PTPRD: variants seen among roughly 807,000 people sequenced by gnomAD.
PTPRD encodes receptor-type tyrosine-protein phosphatase delta.
In PTPRD, 34 loss-of-function variants were observed where a neutral mutation model predicts 214.5. The observed-to-expected ratio is 0.16, with a 90% CI of 0.12 to 0.21. The LOEUF (loss-of-function observed/expected upper bound fraction) is 0.21, where lower values mean the gene tolerates loss of function less well. PTPRD is among the 10% of genes least tolerant of loss of function. The probability of loss-of-function intolerance (pLI) is 1.00; values close to 1 mark genes in which losing one functional copy is unlikely to be tolerated. For missense variants in PTPRD, 2,545 were observed against 2,398.7 expected, an observed-to-expected ratio of 1.06 and a Z score of -1.27; for synonymous variants, 1,128 against 845.7, an observed-to-expected ratio of 1.33 and a Z score of -5.79.
In PTPRD at chr9:9,407,450, G is replaced by T. The variant is rs888684015; in HGVS notation, c.-236-9968C>A. Among the ~76,000 whole-genome samples, 4 of 151,722 alleles carry T rather than the reference G, an allele frequency of 2.6e-5. No individual in the cohort carries two copies. In the South Asian group the frequency reaches 6.2e-4, roughly 24 times the overall value. On this transcript the variant is annotated intron_variant, in intron 8 of 45. Coordinates refer to ENST00000381196, the MANE Select transcript of PTPRD (RefSeq NM_002839.4). Reference sequence around the variant, plus strand: ...TAAAAGTTTGTTGAAAATATAAACAGATAGGGTATCTACATTGAGTATACC... The same window carrying T: ...TAAAAGTTTGTTGAAAATATAAACATATAGGGTATCTACATTGAGTATACC...
At chr9:9,143,575 T>C (rs1475861047) in intron 10 of PTPRD, among the ~76,000 whole-genome samples, 2 of 152,190 alleles carry the variant, frequency 1.3e-5, no homozygotes, top group African/African-American at 4.8e-5. Context: ...AGACCGAATG[T>C]TTTCTAATGG....
At chr9:9,288,870 G>A (rs991899381) in intron 9 of PTPRD, among the ~76,000 whole-genome samples, 1 of 151,730 alleles carries the variant, frequency 6.6e-6, no homozygotes, top group African/African-American at 2.4e-5. Flanking sequence ...GGTTTTATAA[G>A]GGACTTTTCC....
chr9:9,603,495 C>T (rs945073485), intron 7 of PTPRD, among the ~76,000 whole-genome samples: 1 of 152,116 alleles, frequency 6.6e-6, no homozygotes, highest in Non-Finnish European at 1.5e-5. Context: ...CAGTCCTTGG[C>T]CTGTCAGGAA....
intron 4 of PTPRD, among the ~76,000 whole-genome samples, chr9:9,940,486 G>A (rs1337250693): frequency 6.6e-6 from 1 of 152,146 alleles, no homozygotes; most frequent in Non-Finnish European, 1.5e-5. Context: ...AATGGGGTTT[G>A]AAATTAGATT....
intron 10 of PTPRD, among the ~76,000 whole-genome samples, chr9:9,042,404 G>A (rs1181846698): frequency 6.6e-6 from 1 of 152,124 alleles, no homozygotes; most frequent in East Asian, 1.9e-4. Context: ...CAGGAGGCAG[G>A]AGAACAGTTA....
intron 7 of PTPRD, among the ~76,000 whole-genome samples, chr9:9,589,181 T>C (rs1272927130): frequency 1.3e-5 from 2 of 151,908 alleles, no homozygotes; most frequent in Non-Finnish European, 2.9e-5. Context: ...AATACAACAG[T>C]AGTTTATTTG....
At chr9:10,064,184 A>C (rs1177638385) in intron 3 of PTPRD, among the ~76,000 whole-genome samples, 1 of 151,864 alleles carries the variant, frequency 6.6e-6, no homozygotes, top group Non-Finnish European at 1.5e-5. Context: ...TTCTCTTAAA[A>C]ATTCTGTATA....
At chr9:9,376,068 T>TAA (rs201118606) in intron 9 of PTPRD, among the ~76,000 whole-genome samples, 3 of 116,434 alleles carry the variant, frequency 2.6e-5, no homozygotes, top group Admixed American at 1.8e-4. Flanking sequence ...AATGAGAACT[T>TAA]GCTCATCATT....
intron 2 of PTPRD, among the ~76,000 whole-genome samples, chr9:10,581,252 T>A (rs544516685): frequency 1.3e-5 from 2 of 152,144 alleles, no homozygotes; most frequent in African/African-American, 2.4e-5. Context: ...TGAAAAACAG[T>A]ATTAAGTCTC....
intron 8 of PTPRD, among the ~76,000 whole-genome samples, chr9:9,564,693 G>A (rs1459963308): frequency 1.3e-5 from 2 of 151,742 alleles, no homozygotes; most frequent in Non-Finnish European, 2.9e-5. Flanking sequence ...TTATATTTAG[G>A]AACTCCTGTA....
intron 5 of PTPRD, among the ~76,000 whole-genome samples, chr9:9,817,102 T>C (rs2049020110): frequency 6.6e-6 from 1 of 152,112 alleles, no homozygotes; most frequent in Admixed American, 6.6e-5. Flanking sequence ...CAAGCTAAGA[T>C]TGCTTTTGCC....
intron 8 of PTPRD, among the ~76,000 whole-genome samples, chr9:9,413,316 T>G (rs201544205): frequency 9.4e-5 from 14 of 149,670 alleles, no homozygotes; most frequent in African/African-American, 3.2e-4. Flanking sequence ...GGGTTTCACC[T>G]TGTTAGCCAG....
intron 9 of PTPRD, among the ~76,000 whole-genome samples, chr9:9,268,268 C>A (rs1028916656): frequency 2.7e-5 from 4 of 150,560 alleles, no homozygotes; most frequent in African/African-American, 9.7e-5. Flanking sequence ...TTTACAACAG[C>A]ATTAAAAGAA....
intron 3 of PTPRD, among the ~76,000 whole-genome samples, chr9:10,124,007 G>T (rs1048408053): frequency 2.6e-5 from 4 of 152,080 alleles, no homozygotes; most frequent in African/African-American, 9.7e-5. Flanking sequence ...TTTTGTATAT[G>T]GAGTGGAAAC....
intron 8 of PTPRD, among the ~76,000 whole-genome samples, chr9:9,483,648 T>G (rs1158534442): frequency 6.6e-6 from 1 of 152,032 alleles, no homozygotes; most frequent in African/African-American, 2.4e-5. Context: ...GAATCCTCAC[T>G]AGGTAGCACT....
chr9:8,396,936 A>AT (rs1282634652), intron 36 of PTPRD, among the ~76,000 whole-genome samples: 4 of 152,152 alleles, frequency 2.6e-5, no homozygotes, highest in Non-Finnish European at 1.5e-5. Context: ...GCTTTTATGT[A>AT]TTTTTTTAAA....
At chr9:9,827,299 C>T (rs1474782751) in intron 5 of PTPRD, among the ~76,000 whole-genome samples, 1 of 152,020 alleles carries the variant, frequency 6.6e-6, no homozygotes, top group African/African-American at 2.4e-5. Context: ...GTACTGGTAC[C>T]AAAACAGAGA....
intron 11 of PTPRD, among the ~76,000 whole-genome samples, chr9:8,929,269 T>C (rs12348557): frequency 0.13 from 19,731 of 152,130 alleles, 1,675 homozygotes; most frequent in South Asian, 0.19. Flanking sequence ...CTTGTGCCGG[T>C]TTTCAAAGGG....
chr9:10,016,276 C>G (rs1190555984), intron 4 of PTPRD, among the ~76,000 whole-genome samples: 2 of 151,674 alleles, frequency 1.3e-5, no homozygotes, highest in Non-Finnish European at 2.9e-5. Flanking sequence ...TTATAGTAAC[C>G]CATTTACAGT....
Sources: allele counts gnomAD v4.1 joint callset (sites outside exome capture counted in the v4.1 genomes callset), GRCh38; gene constraint gnomAD v4.1.1; transcripts MANE v1.5; gene names NCBI Gene and HGNC (gene_info 2026-07-23, HGNC 2026-07-21).